Variants in TBC1D22A observed in about 807,000 individuals in gnomAD.
TBC1D22A encodes the protein TBC1 domain family member 22A.
TBC1D22A carries 38 observed loss-of-function variants against 60.2 expected under a neutral mutation model. The ratio of observed to expected loss-of-function variants is 0.63; its 90% CI spans 0.49 to 0.83. The LOEUF (loss-of-function observed/expected upper bound fraction) is 0.83, where lower values mean the gene tolerates loss of function less well. Ranked by LOEUF, TBC1D22A falls within the 40% of genes least tolerant of loss-of-function variation. The pLI is 0.00. For synonymous variants in TBC1D22A, 302 were observed against 281.7 expected (o/e 1.07, Z -0.72); for missense variants, 628 against 701.0 (o/e 0.90, Z 1.18).
intron 7 of TBC1D22A, among the ~76,000 whole-genome samples, chr22:46,906,529 C>T (rs531895833): frequency 7.9e-5 from 12 of 152,214 alleles, no homozygotes; most frequent in Non-Finnish European, 1.3e-4. Flanking sequence ...AGAGACTCTG[C>T]GCTGATGGCA....
At chr22:46,787,906 A>T (rs2084230346) in intron 1 of TBC1D22A, among the ~76,000 whole-genome samples, 1 of 144,096 alleles carries the variant, frequency 6.9e-6, no homozygotes, top group Non-Finnish European at 1.5e-5. Context: ...GCAGCCTGCC[A>T]GGGGTAGGTG....
chr22:46,888,893 A>C (rs1282929284), intron 5 of TBC1D22A, among the ~76,000 whole-genome samples: 2 of 152,114 alleles, frequency 1.3e-5, no homozygotes, highest in South Asian at 4.1e-4. Flanking sequence ...TTTAGTAGAG[A>C]TGGGGTTTCA....
intron 11 of TBC1D22A, among the ~76,000 whole-genome samples, chr22:47,085,471 C>A (rs1159257588): frequency 6.6e-6 from 1 of 151,890 alleles, no homozygotes; most frequent in Non-Finnish European, 1.5e-5. Flanking sequence ...TTGAATTTTC[C>A]ATCTTAGCAT....
intron 11 of TBC1D22A, among the ~76,000 whole-genome samples, chr22:47,038,658 C>T (rs989795957): frequency 1.3e-5 from 2 of 152,220 alleles, no homozygotes; most frequent in African/African-American, 4.8e-5. Context: ...GGTCAGTGTG[C>T]CCCTTGGTGG....
chr22:46,851,395 C>T (rs959904429), intron 4 of TBC1D22A, among the ~76,000 whole-genome samples: 12 of 152,260 alleles, frequency 7.9e-5, no homozygotes, highest in African/African-American at 2.9e-4. Flanking sequence ...CTGCTGCACT[C>T]ATCTCTAGAG....
chr22:47,163,298 G>A (rs1190372266), intron 12 of TBC1D22A, among the ~76,000 whole-genome samples: 1 of 152,242 alleles, frequency 6.6e-6, no homozygotes, highest in Non-Finnish European at 1.5e-5. Context: ...CCCAATGCCT[G>A]CACTCATCCT....
At chr22:47,160,258 G>C (rs992106698) in intron 12 of TBC1D22A, among the ~76,000 whole-genome samples, 1 of 152,340 alleles carries the variant, frequency 6.6e-6, no homozygotes, top group South Asian at 2.1e-4. Context: ...GGTGGAGCTG[G>C]AGCACGTGGT....
intron 7 of TBC1D22A, among the ~76,000 whole-genome samples, chr22:46,905,480 G>T (rs2069395989): frequency 6.6e-6 from 1 of 152,212 alleles, no homozygotes; most frequent in East Asian, 1.9e-4. Flanking sequence ...GGTCCGTGCA[G>T]GGTGTCCTGA....
intron 11 of TBC1D22A, among the ~76,000 whole-genome samples, chr22:47,046,203 C>T (rs966696435): frequency 2.6e-5 from 4 of 152,140 alleles, no homozygotes; most frequent in Admixed American, 6.5e-5. Flanking sequence ...TACAGGATGC[C>T]GGGAGGGCCC....
At chr22:46,904,052 GTA>G (rs915715415) in intron 7 of TBC1D22A, among the ~76,000 whole-genome samples, 2 of 151,118 alleles carry the variant, frequency 1.3e-5, no homozygotes, top group Admixed American at 6.6e-5. Flanking sequence ...TCATATATAT[GTA>G]TATATATATG....
chr22:47,163,874 G>C (rs1326896290), intron 12 of TBC1D22A, among the ~76,000 whole-genome samples: 1 of 152,268 alleles, frequency 6.6e-6, no homozygotes, highest in African/African-American at 2.4e-5. Context: ...CAAGAGTCCA[G>C]TGGGTCGCCT....
intron 4 of TBC1D22A, among the ~76,000 whole-genome samples, chr22:46,854,335 G>C (rs1240471926): frequency 6.6e-6 from 1 of 152,108 alleles, no homozygotes; most frequent in Non-Finnish European, 1.5e-5. Context: ...ACCAGTGCAC[G>C]GCGCAGACAC....
At chr22:47,149,636 G>A (rs1394008748) in intron 12 of TBC1D22A, among the ~76,000 whole-genome samples, 4 of 152,218 alleles carry the variant, frequency 2.6e-5, no homozygotes, top group Non-Finnish European at 5.9e-5. Flanking sequence ...CACAGAGGCC[G>A]GAAGGATGGC....
intron 12 of TBC1D22A, among the ~76,000 whole-genome samples, chr22:47,171,833 C>G (rs973196274): frequency 6.6e-6 from 1 of 152,182 alleles, no homozygotes; most frequent in Non-Finnish European, 1.5e-5. Context: ...CCTCAGTGTC[C>G]GCATCCCGGC....
At chr22:46,973,134 C>A (rs1035262745) in intron 8 of TBC1D22A, among the ~76,000 whole-genome samples, 2 of 152,208 alleles carry the variant, frequency 1.3e-5, no homozygotes, top group Non-Finnish European at 2.9e-5. Flanking sequence ...AGGGCTGCGA[C>A]TGGGGAAGCA....
chr22:47,075,717 A>C (rs950240965), intron 11 of TBC1D22A, among the ~76,000 whole-genome samples: 1 of 152,228 alleles, frequency 6.6e-6, no homozygotes, highest in Non-Finnish European at 1.5e-5. Context: ...TTATTTAAAT[A>C]AATGTAAATG....
chr22:47,031,012 A>G (rs1175359175), intron 10 of TBC1D22A, among the ~76,000 whole-genome samples: 2 of 152,090 alleles, frequency 1.3e-5, no homozygotes, highest in African/African-American at 2.4e-5. Flanking sequence ...GAAGAAGGAC[A>G]CTCCCCGGTG....
intron 12 of TBC1D22A, among the ~76,000 whole-genome samples, chr22:47,158,874 C>T (rs2147196285): frequency 6.6e-6 from 1 of 152,152 alleles, no homozygotes; most frequent in South Asian, 2.1e-4. Flanking sequence ...CAGGTCCCCT[C>T]CCCAGGCCAC....
chr22:46,919,067 G>T (rs908008802), intron 8 of TBC1D22A, among the ~76,000 whole-genome samples: 1 of 152,182 alleles, frequency 6.6e-6, no homozygotes, highest in Non-Finnish European at 1.5e-5. Flanking sequence ...AGAATATTTA[G>T]AGTAGTGTAA....
Sources: allele counts gnomAD v4.1 joint callset (sites outside exome capture counted in the v4.1 genomes callset), GRCh38; gene constraint gnomAD v4.1.1; transcripts MANE v1.5; gene names NCBI Gene and HGNC (gene_info 2026-07-23, HGNC 2026-07-21).